The following GOLGA1 variants were observed in gnomAD, a reference collection of about 807,000 sequenced individuals.
The protein encoded by GOLGA1 is golgin A1, also known as golgin subfamily A member 1.
A neutral mutation model predicts 119.7 loss-of-function variants in GOLGA1; 63 were observed. That is an observed-to-expected ratio of 0.53 (90% CI 0.43 to 0.65). The LOEUF is 0.65. GOLGA1 is among the 30% of genes least tolerant of loss of function. The probability of loss-of-function intolerance (pLI) is 0.00; values close to 1 mark genes in which losing one functional copy is unlikely to be tolerated. For missense variants in GOLGA1, 798 were observed against 912.8 expected (o/e 0.87, Z 1.62); for synonymous variants, 318 against 333.4 (o/e 0.95, Z 0.50).
intron 10 of GOLGA1, among the ~76,000 whole-genome samples, chr9:124,914,537 G>A (rs1830403533): frequency 6.6e-6 from 1 of 152,136 alleles, no homozygotes; most frequent in African/African-American, 2.4e-5. Flanking sequence ...AGTAACTGTT[G>A]ATGTAAGAGT....
At chr9:124,922,359 C>G (rs1446345599) in intron 8 of GOLGA1, among the ~76,000 whole-genome samples, 1 of 151,394 alleles carries the variant, frequency 6.6e-6, no homozygotes, top group Non-Finnish European at 1.5e-5. Flanking sequence ...TTGAGAGCAG[C>G]CTGGGTAACA....
At chr9:124,887,287 G>A (rs772597360) in intron 19 of GOLGA1, 2 of 152,374 alleles carry the variant, frequency 1.3e-5, no homozygotes, top group Non-Finnish European at 2.9e-5. Context: ...GTGACACTAG[G>A]GAAAAAAGCA....
chr9:124,889,667 C>T (rs1456789166), intron 16 of GOLGA1, 131 bp from the exon 17 acceptor site: 4 of 724,326 alleles, frequency 5.5e-6, no homozygotes, highest in Non-Finnish European at 1.0e-5. Context: ...AGAGCAAACC[C>T]CCAGCTAAGC....
intron 10 of GOLGA1, among the ~76,000 whole-genome samples, chr9:124,918,499 A>G (rs1200634034): frequency 6.6e-6 from 1 of 152,172 alleles, no homozygotes; most frequent in African/African-American, 2.4e-5. Context: ...AGTTGTGGCC[A>G]GGTGCCTGTA....
chr9:124,886,271 A>G (rs1829718001), intron 19 of GOLGA1, among the ~76,000 whole-genome samples: 1 of 152,206 alleles, frequency 6.6e-6, no homozygotes, highest in Non-Finnish European at 1.5e-5. Context: ...CACAGTGCAG[A>G]GAAGAGCTGT....
In GOLGA1 at chr9:124,889,600, C is replaced by T. The variant is rs953494382; in HGVS notation, c.1498-64G>A. The T allele has an allele frequency of 1.7e-5, 18 of 1,052,896 alleles. 1 individual carries two copies. In the South Asian group the frequency reaches 2.0e-4, roughly 12 times the overall value. The allele number at this position is 1,052,896 out of a possible 1,614,324, so 65.2% of individuals were successfully genotyped here. On this transcript the variant is annotated intron_variant, in intron 16 of 22. Coordinates refer to ENST00000373555, the MANE Select transcript of GOLGA1 (RefSeq NM_002077.4). ...AGTGACTCCATCTTCCCACAGAAAT[C>T]TCCACTTCCCCGCTCTCCAGGGTAC...
At chr9:124,926,569 T>G (rs1830677007) in intron 7 of GOLGA1, 140 bp downstream of exon 7, 1 of 727,776 alleles carries the variant, frequency 1.4e-6, no homozygotes, top group Admixed American at 2.1e-5. Context: ...ATCAGAGCTT[T>G]TCAAGTCAGT....
chr9:124,921,281 C>T, intron 9 of GOLGA1, 41 bp from the exon 10 acceptor site: 1 of 1,134,384 alleles, frequency 8.8e-7, no homozygotes, highest in Non-Finnish European at 1.3e-6. Flanking sequence ...ATTTGGATAT[C>T]TCATCTAATA....
At chr9:124,882,072 C>A (rs1170386002) in intron 20 of GOLGA1, 118 bp from the exon 21 acceptor site, 2 of 713,718 alleles carry the variant, frequency 2.8e-6, no homozygotes, top group Admixed American at 6.1e-5. Flanking sequence ...AAGGGCCCCA[C>A]CTGGGAAGGA....
rs139716668 is a variant in GOLGA1 at position 124,890,372 on chromosome 9, C to T, written c.1497+17G>A. The T allele has an allele frequency of 5.0e-4, 775 of 1,563,762 alleles. 5 individuals carry two copies. In the Admixed American group the frequency reaches 7.6e-3, roughly 15 times the overall value. ...ACTGCAGGGGGACATCGCCCCTCAG[C>T]GTGAAACAGGGCCCACCTGTTGCTG... On this transcript the variant is annotated intron_variant, in intron 16 of 22. Coordinates refer to ENST00000373555, the MANE Select transcript of GOLGA1 (RefSeq NM_002077.4).
intron 19 of GOLGA1, among the ~76,000 whole-genome samples, chr9:124,885,377 C>T (rs867106033): frequency 2.7e-5 from 4 of 149,614 alleles, no homozygotes; most frequent in East Asian, 3.9e-4. Flanking sequence ...CACAGCTACT[C>T]GGGAGGTTGA....
intron 10 of GOLGA1, among the ~76,000 whole-genome samples, chr9:124,916,555 A>G (rs1830449344): frequency 6.6e-6 from 1 of 152,168 alleles, no homozygotes; most frequent in African/African-American, 2.4e-5. Flanking sequence ...TAGAATTACC[A>G]TTAAGGAAAT....
intron 3 of GOLGA1, 45 bp from the exon 4 acceptor site, chr9:124,931,451 G>C: frequency 1.1e-6 from 1 of 900,388 alleles, no homozygotes; most frequent in East Asian, 2.4e-5. Flanking sequence ...ATATGTGTGA[G>C]ACCACAATAC....
intron 11 of GOLGA1, among the ~76,000 whole-genome samples, chr9:124,910,317 G>A (rs1436038253): frequency 2.6e-5 from 4 of 152,028 alleles, no homozygotes; most frequent in South Asian, 2.1e-4. Context: ...TGCCCGCCTC[G>A]GCTACCCAAA....
In GOLGA1 at chr9:124,881,061, C is replaced by A; in HGVS notation, c.2223+110G>T. The A allele has an allele frequency of 1.4e-6, 1 of 725,184 alleles. No individual in the cohort carries two copies. Among genetic ancestry groups the A allele is most frequent in the Non-Finnish European group, 2.5e-6 (1 of 394,646 alleles). 44.9% of individuals were successfully genotyped at this position (725,184 alleles called of 1,614,324 possible). ...AAAAGCAGCCAAGCTGATCATGCAG[C>A]TGTGCTGGTGCCTACACTCGGGTGT... On this transcript the variant is annotated intron_variant, in intron 22 of 22. Transcript: ENST00000373555. The surrounding 1 kb of genome is among the most constrained non-coding windows in gnomAD (Gnocchi z 4.9).
Position 124,938,437 on chromosome 9 carries a change from C to G in GOLGA1, c.135+140G>C, listed in dbSNP as rs16927770. The stretch of plus-strand genomic sequence containing the variant: ...AAACCAAACATTAACAAAAAGGTAC[C>G]TCAGAGTAAGAAGAATCAGATGTAC... On this transcript the variant is annotated intron_variant, in intron 3 of 22. Transcript: ENST00000373555. 9.6e-3 allele frequency: 6,814 copies of G among 709,040 alleles called. 311 individuals carry two copies. The Admixed American group carries it at 0.11, about 11-fold the overall frequency. The allele number at this position is 709,040 out of a possible 1,614,324, so 43.9% of individuals were successfully genotyped here.
chr9:124,885,927 G>T (rs1298636097), intron 19 of GOLGA1, among the ~76,000 whole-genome samples: 1 of 152,220 alleles, frequency 6.6e-6, no homozygotes, highest in Non-Finnish European at 1.5e-5. Flanking sequence ...ATGGTAACCT[G>T]AAGCAGGTGG....
chr9:124,883,695 AC>A (rs1829645053), intron 19 of GOLGA1, among the ~76,000 whole-genome samples: 2 of 151,438 alleles, frequency 1.3e-5, no homozygotes, highest in African/African-American at 4.9e-5. Flanking sequence ...TGGTCCACCC[AC>A]CTTGGCCTCC....
chr9:124,901,373 C>A (rs1456624080), intron 12 of GOLGA1, among the ~76,000 whole-genome samples: 1 of 149,954 alleles, frequency 6.7e-6, no homozygotes, highest in Non-Finnish European at 1.5e-5. Flanking sequence ...TGGGTTCAAG[C>A]GATTCTCCTG....
Sources: allele counts gnomAD v4.1 joint callset (sites outside exome capture counted in the v4.1 genomes callset), GRCh38; gene constraint gnomAD v4.1.1; non-coding constraint Gnocchi (gnomAD v3.1); transcripts MANE v1.5; gene names NCBI Gene and HGNC (gene_info 2026-07-23, HGNC 2026-07-21).